The following DTD1 variants were observed in gnomAD, a reference collection of about 807,000 sequenced individuals.
DTD1 encodes D-aminoacyl-tRNA deacylase 1.
Under a neutral mutation model 25.6 loss-of-function variants are expected in DTD1, and 13 were observed. The ratio of observed to expected loss-of-function variants is 0.51; its 90% CI spans 0.33 to 0.81. The LOEUF (loss-of-function observed/expected upper bound fraction) is 0.81, where lower values mean the gene tolerates loss of function less well. Among genes scored for constraint, DTD1 ranks in the 30% least tolerant of loss-of-function variants. The pLI is 0.02. For missense variants in DTD1, 193 were observed against 266.4 expected (o/e 0.72, Z 1.92); for synonymous variants, 110 against 103.6 (o/e 1.06, Z -0.37).
intron 4 of DTD1, among the ~76,000 whole-genome samples, chr20:18,639,183 A>G (rs77185613): frequency 1.1e-4 from 4 of 37,340 alleles, no homozygotes; most frequent in Admixed American, 5.7e-4. Context: ...TTTTTTTAAG[A>G]AAAAAAAAAA....
At position 18,749,913 on chromosome 20, in the gene DTD1, G is replaced by A. The variant is rs2061315623; in HGVS notation, c.*19+5642G>A. Among the ~76,000 whole-genome samples, 1 of 152,186 alleles carries A rather than the reference G, an allele frequency of 6.6e-6. No homozygotes were observed. Among genetic ancestry groups the A allele is most frequent in the Admixed American group, 6.5e-5 (1 of 15,280 alleles). ...ACAGAGGCCACGTTTTGTTTATACC[G>A]ATGTATATGGTACTGTCTGGGTTTT... On this transcript the variant is annotated intron_variant, in intron 5 of 5. Coordinates refer to ENST00000377452, the MANE Select transcript of DTD1 (RefSeq NM_080820.6). This position sits in a 1 kb window ranked among gnomAD's most constrained non-coding sequence, Gnocchi z 4.2.
intron 4 of DTD1, among the ~76,000 whole-genome samples, chr20:18,680,138 CATTA>C (rs2060991005): frequency 6.6e-6 from 1 of 152,088 alleles, no homozygotes; most frequent in African/African-American, 2.4e-5. Context: ...TCACATATAC[CATTA>C]ATTTCACTGG....
chr20:18,611,701 G>A (rs1036605266), intron 3 of DTD1, among the ~76,000 whole-genome samples: 3 of 152,076 alleles, frequency 2.0e-5, no homozygotes, highest in African/African-American at 7.2e-5. Flanking sequence ...TGTGATGCAT[G>A]TGCCCACAGC....
At chr20:18,594,191 T>A (rs2060601224) in intron 2 of DTD1, among the ~76,000 whole-genome samples, 1 of 152,208 alleles carries the variant, frequency 6.6e-6, no homozygotes, top group Non-Finnish European at 1.5e-5. Flanking sequence ...ACTAGCTCGC[T>A]GTGCACATAG....
intron 5 of DTD1, 80 bp downstream of exon 5, chr20:18,744,351 T>C: frequency 2.1e-6 from 3 of 1,406,158 alleles, no homozygotes; most frequent in Non-Finnish European, 2.9e-6. Context: ...CTGCTGAGGC[T>C]GAATTCATTC....
chr20:18,700,458 C>A (rs745710141), intron 4 of DTD1, among the ~76,000 whole-genome samples: 5 of 150,594 alleles, frequency 3.3e-5, no homozygotes, highest in Middle Eastern at 3.5e-3. Flanking sequence ...CATTGTATAT[C>A]CTCCTGAAAA....
chr20:18,758,534 G>A (rs771758765), intron 5 of DTD1, among the ~76,000 whole-genome samples: 17 of 152,202 alleles, frequency 1.1e-4, no homozygotes, highest in Non-Finnish European at 7.3e-5. Flanking sequence ...TGTGTACCCA[G>A]CAGTCATTCA....
intron 5 of DTD1, among the ~76,000 whole-genome samples, chr20:18,752,627 A>G (rs1272815399): frequency 6.6e-6 from 1 of 152,160 alleles, no homozygotes; most frequent in Non-Finnish European, 1.5e-5. Context: ...CATATTAATC[A>G]TAGTTTTAAA....
At chr20:18,609,131 T>G (rs959625212) in intron 3 of DTD1, among the ~76,000 whole-genome samples, 1 of 151,716 alleles carries the variant, frequency 6.6e-6, no homozygotes, top group Non-Finnish European at 1.5e-5. Flanking sequence ...CACCCTTTTG[T>G]AGACAGTTAT....
intron 4 of DTD1, among the ~76,000 whole-genome samples, chr20:18,715,125 C>T (rs1031577358): frequency 4.6e-5 from 7 of 152,134 alleles, no homozygotes; most frequent in African/African-American, 1.4e-4. Flanking sequence ...TGGTCCACCC[C>T]GAGTGGGTGT....
At chr20:18,682,146 T>C (rs1163792650) in intron 4 of DTD1, among the ~76,000 whole-genome samples, 1 of 152,154 alleles carries the variant, frequency 6.6e-6, no homozygotes, top group African/African-American at 2.4e-5. Flanking sequence ...AGAAGTATAA[T>C]TGATCTACTG....
intron 4 of DTD1, chr20:18,691,952 G>A (rs2061049299): frequency 6.6e-6 from 1 of 151,918 alleles, no homozygotes. Flanking sequence ...CAGTTTTCAG[G>A]CTGCCACTTA....
intron 4 of DTD1, among the ~76,000 whole-genome samples, chr20:18,715,382 C>T (rs770262265): frequency 2.6e-5 from 4 of 152,174 alleles, no homozygotes; most frequent in Non-Finnish European, 5.9e-5. Flanking sequence ...ATATCTGCTT[C>T]ATCTTTGGAT....
At chr20:18,672,158 C>T (rs1220577028) in intron 4 of DTD1, among the ~76,000 whole-genome samples, 1 of 152,140 alleles carries the variant, frequency 6.6e-6, no homozygotes, top group East Asian at 1.9e-4. Context: ...CACTTGAGTC[C>T]AGGAGGTCAA....
intron 4 of DTD1, among the ~76,000 whole-genome samples, chr20:18,679,980 C>A (rs528393413): frequency 5.3e-5 from 8 of 152,226 alleles, no homozygotes; most frequent in Middle Eastern, 3.4e-3. Context: ...AGTCTCTGAT[C>A]CAGGATCAGT....
At chr20:18,637,286 C>T (rs6112045) in intron 4 of DTD1, among the ~76,000 whole-genome samples, 1 of 152,234 alleles carries the variant, frequency 6.6e-6, no homozygotes, top group African/African-American at 2.4e-5. Context: ...CCCCTTCCCC[C>T]TGCCACACAG....
intron 4 of DTD1, among the ~76,000 whole-genome samples, chr20:18,694,578 A>T (rs1429071657): frequency 1.3e-5 from 2 of 152,198 alleles, no homozygotes; most frequent in African/African-American, 4.8e-5. Context: ...CTAATAAGCA[A>T]CCTCAGCTAG....
chr20:18,741,799 T>G (rs1328114224), intron 4 of DTD1, among the ~76,000 whole-genome samples: 1 of 152,092 alleles, frequency 6.6e-6, no homozygotes, highest in South Asian at 2.1e-4. Context: ...CTCAACTTAC[T>G]GTAACCTCTG....
At chr20:18,655,839 G>A (rs1309038928) in intron 4 of DTD1, among the ~76,000 whole-genome samples, 3 of 151,804 alleles carry the variant, frequency 2.0e-5, no homozygotes, top group East Asian at 1.9e-4. Flanking sequence ...GGCGTGATCC[G>A]GCTCACAGCA....
Sources: gnomAD v4.1 joint callset for allele counts (sites outside exome capture counted in the v4.1 genomes callset) on GRCh38, gnomAD v4.1.1 for gene constraint, Gnocchi (gnomAD v3.1) non-coding constraint, MANE v1.5 for transcripts, NCBI Gene and HGNC (gene_info 2026-07-23, HGNC 2026-07-21) for gene names.